The following HLX variants were observed in gnomAD, a reference collection of about 807,000 sequenced individuals.
The protein encoded by HLX is H2.0 like homeobox.
A neutral mutation model predicts 27.7 loss-of-function variants in HLX; 6 were observed. The ratio of observed to expected loss-of-function variants is 0.22; its 90% CI spans 0.12 to 0.43. The LOEUF (loss-of-function observed/expected upper bound fraction) is 0.43, where lower values mean the gene tolerates loss of function less well. Among genes scored for constraint, HLX ranks in the 20% least tolerant of loss-of-function variants. HLX has a pLI of 1.00. For synonymous variants in HLX, 328 were observed against 293.8 expected, an observed-to-expected ratio of 1.12 and a Z score of -1.19; for missense variants, 666 against 655.2, an observed-to-expected ratio of 1.02 and a Z score of -0.18.
intron 2 of HLX, chr1:220,881,795 C>T: frequency 2.5e-6 from 1 of 401,898 alleles, no homozygotes; most frequent in Non-Finnish European, 4.7e-6. Flanking sequence ...CACACACACA[C>T]ACACACACAC....
Position 220,881,360 on chromosome 1 carries a change from AGACAC to A in HLX, c.761_765del (p.Asp254ValfsTer41). On this transcript the variant is annotated frameshift_variant, in exon 2 of 4. Transcript: ENST00000366903. LOFTEE classifies it high-confidence loss of function. ...GAAATTCAGTTCAGCATCAGTTCCAAGACACGTTTCCAGGTACGGAAAAACTCCAG... is the reference window on the plus strand; with the variant it reads ...GAAATTCAGTTCAGCATCAGTTCCAAGTTTCCAGGTACGGAAAAACTCCAG... 1.9e-6 allele frequency: 3 copies of A among 1,614,062 alleles called. No homozygotes were observed. The highest frequency in any genetic ancestry group is 2.5e-6 in the Non-Finnish European group (3 of 1,179,878).
intron 1 of HLX, chr1:220,880,917 G>A (rs1338090823): frequency 1.1e-5 from 5 of 462,878 alleles, no homozygotes; most frequent in African/African-American, 9.8e-5. Flanking sequence ...CGTCTGTGGC[G>A]TTCTTGGAAG....
At position 220,879,686 on chromosome 1, in the gene HLX, C is replaced by T. The variant is rs1571711260; in HGVS notation, c.-172C>T. The T allele has an allele frequency of 9.3e-7, 1 of 1,080,448 alleles. No individual in the cohort carries two copies. The highest frequency in any genetic ancestry group is 1.7e-5 in the African/African-American group (1 of 59,236). 66.9% of individuals were successfully genotyped at this position (1,080,448 alleles called of 1,614,324 possible). ...CCGGCCGAGATCCGGCCCTCGCCTCCTCCCTCGGTGGCGCTAGGGCTCCCG... is the reference window on the plus strand; with the variant it reads ...CCGGCCGAGATCCGGCCCTCGCCTCTTCCCTCGGTGGCGCTAGGGCTCCCG... On this transcript the variant is annotated 5_prime_UTR_variant, in exon 1 of 4. Transcript: ENST00000366903.
chr1:220,881,317 C>T lies in HLX; in HGVS notation c.716C>T (p.Pro239Leu), dbSNP rs1013659347. The part of the protein sequence containing the change: ...PINEASAILS[P>L]LNSNPRNSVQ... The stretch of plus-strand genomic sequence containing the variant: ...AACGAGGCTTCTGCAATCCTGAGTC[C>T]CTTAAACTCGAACCCAAGAAATTCA... The change falls in exon 2 of 4, where the codon CCC (proline) becomes CTC (leucine). Residue 239 changes from proline to leucine, a missense_variant. Transcript: ENST00000366903. The T allele has an allele frequency of 5.2e-5, 84 of 1,614,036 alleles. 1 individual carries two copies. In the Admixed American group the frequency reaches 1.2e-3, roughly 24 times the overall value.
rs1446033594 is a variant in HLX at position 220,880,555 on chromosome 1, G to A, written c.592+106G>A. 5.1e-6 allele frequency: 6 copies of A among 1,187,996 alleles called. No homozygotes were observed. The East Asian group carries it at 1.2e-4, about 23-fold the overall frequency. 73.6% of individuals were successfully genotyped at this position (1,187,996 alleles called of 1,614,324 possible). Reference sequence around the variant, plus strand: ...GTGTTTTTACAATTAAGGACAAATCGGTAAAACGGGAGAGAAGAAAACGAA... The same window carrying A: ...GTGTTTTTACAATTAAGGACAAATCAGTAAAACGGGAGAGAAGAAAACGAA... On this transcript the variant is annotated intron_variant, in intron 1 of 3. Coordinates refer to ENST00000366903, the MANE Select transcript of HLX (RefSeq NM_021958.4).
intron 2 of HLX, 198 bp downstream of exon 2, chr1:220,881,571 G>T: frequency 1.6e-6 from 1 of 629,252 alleles, no homozygotes; most frequent in Admixed American, 2.7e-5. Flanking sequence ...AAAAGGGGTA[G>T]AGGCGCCTGG....
chr1:220,884,895 T>C lies in HLX; in HGVS notation c.*191T>C, dbSNP rs1400257531. ...GGACACTGCCCAAAGCAGAGGGGAG[T>C]CTCAGTGTCCTGCTAGCCAGCCGAA... On this transcript the variant is annotated 3_prime_UTR_variant, in exon 4 of 4. Transcript: ENST00000366903. This position sits in a 1 kb window ranked among gnomAD's most constrained non-coding sequence, Gnocchi z 4.9. The C allele has an allele frequency of 3.4e-6, 3 of 886,336 alleles. No homozygotes were observed. In the East Asian group the frequency reaches 8.0e-5, roughly 24 times the overall value. The allele number at this position is 886,336 out of a possible 1,614,324, so 54.9% of individuals were successfully genotyped here. A position where few individuals can be genotyped will look rare whatever the true frequency, so the allele number is the denominator to read the frequency against.
Position 220,884,042 on chromosome 1 carries a change from G to T in HLX, c.958-153G>T. The T allele has an allele frequency of 2.6e-6, 2 of 765,722 alleles. No individual in the cohort carries two copies. Among genetic ancestry groups the T allele is most frequent in the Non-Finnish European group, 2.2e-6 (1 of 455,198 alleles). The allele number at this position is 765,722 out of a possible 1,614,324, so 47.4% of individuals were successfully genotyped here. A position where few individuals can be genotyped will look rare whatever the true frequency, so the allele number is the denominator to read the frequency against. ...CCCTGGGCTGCCCCTTGGCTCCTGCGCCTACCACAGTGTCTGGTCCTTGGT... is the reference window on the plus strand; with the variant it reads ...CCCTGGGCTGCCCCTTGGCTCCTGCTCCTACCACAGTGTCTGGTCCTTGGT... On this transcript the variant is annotated intron_variant, in intron 3 of 3. Transcript: ENST00000366903. This position sits in a 1 kb window ranked among gnomAD's most constrained non-coding sequence, Gnocchi z 4.9.
At chr1:220,880,489 A>C in intron 1 of HLX, 40 bp downstream of exon 1, 1 of 1,611,068 alleles carries the variant, frequency 6.2e-7, no homozygotes, top group Non-Finnish European at 8.5e-7. Context: ...CTGACCACTG[A>C]CCCACTCCCC....
At position 220,884,621 on chromosome 1, in the gene HLX, G is replaced by C; in HGVS notation, c.1384G>C (p.Glu462Gln). 1 of 1,609,552 alleles carries C rather than the reference G, an allele frequency of 6.2e-7. No homozygotes were observed. Among genetic ancestry groups the C allele is most frequent in the Non-Finnish European group, 8.5e-7 (1 of 1,178,556 alleles). Residue 462 changes from glutamate to glutamine, a missense_variant, in exon 4 of 4, where the codon GAG (glutamate) becomes CAG (glutamine). Coordinates refer to ENST00000366903, the MANE Select transcript of HLX (RefSeq NM_021958.4). The surrounding 1 kb of genome is among the most constrained non-coding windows in gnomAD (Gnocchi z 4.9). Reference sequence around the variant, plus strand: ...CAGCCTTGGCGGCGGCGGCGCCTCGGAGCTTCTCCCTGCAACACAGCCCAC... The same window carrying C: ...CAGCCTTGGCGGCGGCGGCGCCTCGCAGCTTCTCCCTGCAACACAGCCCAC... The part of the protein sequence containing the change: ...ASSLGGGGAS[E>Q]LLPATQPTAS...
rs1674520712 is a variant in HLX, at chr1:220,884,327, G to A, written c.1090G>A (p.Glu364Lys). ...GAPAADGEQD[E>K]RSPSRSEGEA... ...CCCGGCTGCGGATGGCGAGCAGGAC[G>A]AGAGGAGCCCCAGCCGTTCTGAAGG... is the stretch of plus-strand genomic sequence containing the variant. The change falls in exon 4 of 4, where the codon GAG becomes AAG. Residue 364 changes from glutamate to lysine, a missense_variant. By Grantham distance (56) the Glu-to-Lys change is moderately conservative. Transcript: ENST00000366903. This position sits in a 1 kb window ranked among gnomAD's most constrained non-coding sequence, Gnocchi z 4.9. The A allele has an allele frequency of 1.2e-6, 2 of 1,613,838 alleles. No individual in the cohort carries two copies. Among genetic ancestry groups the A allele is most frequent in the Non-Finnish European group, 1.7e-6 (2 of 1,179,934 alleles).
At chr1:220,881,010 G>A (rs1674422206) in intron 1 of HLX, 184 bp from the exon 2 acceptor site, 2 of 634,450 alleles carry the variant, frequency 3.2e-6, no homozygotes, top group Admixed American at 2.9e-5. Context: ...GGGACACACA[G>A]GAACTTTTCG....
At chr1:220,881,971 C>T (rs902365424) in intron 2 of HLX, 193 bp from the exon 3 acceptor site, 3 of 684,512 alleles carry the variant, frequency 4.4e-6, no homozygotes, top group South Asian at 3.0e-5. Flanking sequence ...TTAGGTCTTC[C>T]GACTGTCGTG....
At chr1:220,880,501 G>C in intron 1 of HLX, 52 bp downstream of exon 1, 1 of 1,602,452 alleles carries the variant, frequency 6.2e-7, no homozygotes, top group Non-Finnish European at 8.5e-7. Context: ...CCACTCCCCG[G>C]ACCCCGGGCT....
chr1:220,882,571 G>A, intron 3 of HLX: 1 of 571,942 alleles, frequency 1.7e-6, no homozygotes, highest in Non-Finnish European at 3.1e-6. Flanking sequence ...TCCCCAAGAT[G>A]TGTGTCAACA....
chr1:220,879,637 C>A lies in HLX; in HGVS notation c.-221C>A, dbSNP rs1276191064. On this transcript the variant is annotated 5_prime_UTR_variant, in exon 1 of 4. Transcript: ENST00000366903. Reference sequence around the variant, plus strand: ...TGCGGGCGCCGCGCCGCCTTTAAAGCGAGGCCAGGGAGCGAGGCGGTGACC... The same window carrying A: ...TGCGGGCGCCGCGCCGCCTTTAAAGAGAGGCCAGGGAGCGAGGCGGTGACC... 11 of 693,160 alleles carry A rather than the reference C, an allele frequency of 1.6e-5. No individual in the cohort carries two copies. The highest frequency in any genetic ancestry group is 2.0e-5 in the Non-Finnish European group (9 of 455,718). The allele number at this position is 693,160 out of a possible 1,614,324, so 42.9% of individuals were successfully genotyped here.
Position 220,884,464 on chromosome 1 carries a change from C to T in HLX, c.1227C>T (p.Ala409=). ...RSLHQTTVIK[A]PVTGALITAS... ...TGCACCAAACAACAGTTATTAAGGCCCCGGTCACTGGCGCCCTCATTACCG... is the reference window on the plus strand; with the variant it reads ...TGCACCAAACAACAGTTATTAAGGCTCCGGTCACTGGCGCCCTCATTACCG... Residue 409 remains alanine, a synonymous_variant, in exon 4 of 4, where the codon GCC becomes GCT. Coordinates refer to ENST00000366903, the MANE Select transcript of HLX (RefSeq NM_021958.4). This position sits in a 1 kb window ranked among gnomAD's most constrained non-coding sequence, Gnocchi z 4.9. The T allele has an allele frequency of 6.2e-7, 1 of 1,614,162 alleles. No homozygotes were observed. The highest frequency in any genetic ancestry group is 8.5e-7 in the Non-Finnish European group (1 of 1,180,022).
rs1361860582 is a variant in HLX at position 220,880,823 on chromosome 1, A to C, written c.593-371A>C. The C allele has an allele frequency of 1.3e-5, 5 of 384,936 alleles. No homozygotes were observed. In the East Asian group the frequency reaches 2.4e-4, roughly 18 times the overall value. The allele number at this position is 384,936 out of a possible 1,614,324, so 23.8% of individuals were successfully genotyped here. On this transcript the variant is annotated intron_variant, in intron 1 of 3. Transcript: ENST00000366903. Reference sequence around the variant, plus strand: ...TTCGCACTTATCTGATTTCTAGTAAAAATTTCACCCAGGAAATGTAAATAA... The same window carrying C: ...TTCGCACTTATCTGATTTCTAGTAACAATTTCACCCAGGAAATGTAAATAA...
Position 220,882,246 on chromosome 1 carries a change from C to T in HLX, c.855C>T (p.Asn285=), listed in dbSNP as rs566501122. The T allele has an allele frequency of 7.4e-6, 12 of 1,614,108 alleles. No individual in the cohort carries two copies. In the Admixed American group the frequency reaches 1.2e-4, roughly 16 times the overall value. Residue 285 remains asparagine (N), a synonymous_variant, in exon 3 of 4, where the codon AAC becomes AAT. Transcript: ENST00000366903. ...KRSWSRAVFS[N]LQRKGLEKRF... Reference sequence around the variant, plus strand: ...CATGGTCGCGCGCTGTGTTCTCCAACCTGCAGAGGAAAGGCCTGGAGAAAA... The same window carrying T: ...CATGGTCGCGCGCTGTGTTCTCCAATCTGCAGAGGAAAGGCCTGGAGAAAA...
Sources: gnomAD v4.1 joint callset for allele counts on GRCh38, gnomAD v4.1.1 for gene constraint, Gnocchi (gnomAD v3.1) non-coding constraint, MANE v1.5 for transcripts, NCBI Gene and HGNC (gene_info 2026-07-23, HGNC 2026-07-21) for gene names.